GALNT13: variants seen among roughly 807,000 people sequenced by gnomAD.
GALNT13 encodes UDP-GalNAc:polypeptide N-acetylgalactosaminyltransferase 13.
In GALNT13, 28 loss-of-function variants were observed where a neutral mutation model predicts 64.2. The observed-to-expected ratio is 0.44, with a 90% confidence interval of 0.32 to 0.60. The LOEUF (loss-of-function observed/expected upper bound fraction) is 0.60, where lower values mean the gene tolerates loss of function less well. Ranked by LOEUF, GALNT13 falls within the 20% of genes least tolerant of loss-of-function variation. The pLI is 0.05. For missense variants in GALNT13, 577 were observed against 669.8 expected (o/e 0.86, Z 1.53); for synonymous variants, 214 against 224.6 (o/e 0.95, Z 0.42).
chr2:154,174,203 T>C (rs1169356942), intron 4 of GALNT13, among the ~76,000 whole-genome samples: 1 of 152,206 alleles, frequency 6.6e-6, no homozygotes, highest in Admixed American at 6.5e-5. Flanking sequence ...ACTGATTGGC[T>C]GGATGGTCTA....
chr2:153,398,697 G>A, the GALNT13 span, among the ~76,000 whole-genome samples: 23 of 151,822 alleles, frequency 1.5e-4, no homozygotes, highest in Non-Finnish European at 3.4e-4. Flanking sequence ...TTTTTCATGT[G>A]TTTTTTGGCT....
chr2:154,390,311 ATTATT>A (rs1280012759), intron 9 of GALNT13, among the ~76,000 whole-genome samples: 1 of 152,212 alleles, frequency 6.6e-6, no homozygotes, highest in South Asian at 2.1e-4. Context: ...TGTTGTACAG[ATTATT>A]TTATCACCTG....
chr2:154,194,244 T>A (rs1428609063), intron 4 of GALNT13, among the ~76,000 whole-genome samples: 1 of 152,226 alleles, frequency 6.6e-6, no homozygotes, highest in East Asian at 1.9e-4. Flanking sequence ...CCAGTTTTTA[T>A]TAATTACAAG....
At chr2:153,136,848 C>CCACACACACACACACACACA in the GALNT13 span, among the ~76,000 whole-genome samples, 13,777 of 148,242 alleles carry the variant, frequency 0.093, 804 homozygotes, top group Admixed American at 0.16. Flanking sequence ...GGTGTTTGCA[C>CCACACACACACACACACACA]CACACACACA....
chr2:153,393,947 T>TACACACACACAC, the GALNT13 span, among the ~76,000 whole-genome samples: 2 of 128,176 alleles, frequency 1.6e-5, no homozygotes, highest in African/African-American at 3.1e-5. Flanking sequence ...TCTCTCTGTC[T>TACACACACACAC]ACACACACAC....
chr2:153,083,175 C>T, the GALNT13 span, among the ~76,000 whole-genome samples: 3 of 152,128 alleles, frequency 2.0e-5, no homozygotes, highest in African/African-American at 7.2e-5. Flanking sequence ...AACATGGGTG[C>T]TCAAGTGTCT....
intron 4 of GALNT13, among the ~76,000 whole-genome samples, chr2:154,168,834 T>G (rs1685187373): frequency 6.6e-6 from 1 of 152,040 alleles, no homozygotes. Flanking sequence ...AGTGTGAGAC[T>G]CTGTCTCAAA....
chr2:154,025,650 T>C (rs1031453434), intron 3 of GALNT13, among the ~76,000 whole-genome samples: 2 of 152,216 alleles, frequency 1.3e-5, no homozygotes, highest in Non-Finnish European at 2.9e-5. Flanking sequence ...AGTGCTATGA[T>C]TTTTTATTTC....
At chr2:154,323,460 C>A (rs771575696) in intron 9 of GALNT13, among the ~76,000 whole-genome samples, 9 of 152,004 alleles carry the variant, frequency 5.9e-5, no homozygotes, top group South Asian at 2.1e-4. Context: ...CCATTATAGA[C>A]AACTATTGCA....
chr2:153,641,036 T>C, the GALNT13 span, among the ~76,000 whole-genome samples: 8 of 152,136 alleles, frequency 5.3e-5, no homozygotes, highest in Non-Finnish European at 1.0e-4. Flanking sequence ...AGCTGAAATA[T>C]ATAAAACAGC....
At chr2:154,289,455 A>G (rs550041456) in intron 8 of GALNT13, among the ~76,000 whole-genome samples, 2 of 152,306 alleles carry the variant, frequency 1.3e-5, no homozygotes, top group East Asian at 1.9e-4. Flanking sequence ...GCAGAAGGCA[A>G]AGGAGGAGCA....
At chr2:153,973,687 C>T (rs1038967475) in intron 3 of GALNT13, among the ~76,000 whole-genome samples, 23 of 151,880 alleles carry the variant, frequency 1.5e-4, no homozygotes, top group African/African-American at 5.6e-4. Flanking sequence ...AAGTATCTTT[C>T]ATATAGCAGG....
At chr2:154,260,723 C>T (rs904093494) in intron 8 of GALNT13, among the ~76,000 whole-genome samples, 2 of 151,840 alleles carry the variant, frequency 1.3e-5, no homozygotes, top group African/African-American at 4.8e-5. Flanking sequence ...TAAGAGGTAA[C>T]AGAAAAAGAA....
At chr2:153,184,396 T>C in the GALNT13 span, among the ~76,000 whole-genome samples, 2 of 152,224 alleles carry the variant, frequency 1.3e-5, no homozygotes, top group Admixed American at 6.5e-5. Context: ...TTTGTAGATA[T>C]AGGATTATGT....
the GALNT13 span, among the ~76,000 whole-genome samples, chr2:153,736,727 T>A: frequency 6.6e-6 from 1 of 152,184 alleles, no homozygotes; most frequent in African/African-American, 2.4e-5. Flanking sequence ...ACTAGAGGGT[T>A]CATTTTACAT....
At chr2:153,212,932 T>C in the GALNT13 span, among the ~76,000 whole-genome samples, 2 of 152,370 alleles carry the variant, frequency 1.3e-5, no homozygotes, top group East Asian at 3.9e-4. Flanking sequence ...GATTTTTCTG[T>C]CTGAACAAAT....
intron 2 of GALNT13, among the ~76,000 whole-genome samples, chr2:153,932,626 C>CTTTTT (rs34617568): frequency 6.3e-5 from 6 of 95,648 alleles, no homozygotes; most frequent in Non-Finnish European, 9.9e-5. Flanking sequence ...TTCTGTCTTT[C>CTTTTT]TTTTTTTTTT....
intron 8 of GALNT13, among the ~76,000 whole-genome samples, chr2:154,269,904 G>GTATATATATATATA (rs1404105316): frequency 6.1e-4 from 8 of 13,162 alleles, no homozygotes; most frequent in African/African-American, 8.0e-4. Context: ...TTATATATAT[G>GTATATATATATATA]TGTATATATA....
chr2:154,074,237 CATT>C (rs1700878114), intron 3 of GALNT13, among the ~76,000 whole-genome samples: 1 of 151,668 alleles, frequency 6.6e-6, no homozygotes, highest in Non-Finnish European at 1.5e-5. Context: ...TATAAGGTTT[CATT>C]ATTATCTTAA....
Sources: allele counts gnomAD v4.1 joint callset (sites outside exome capture counted in the v4.1 genomes callset), GRCh38; gene constraint gnomAD v4.1.1; transcripts MANE v1.5; gene names NCBI Gene and HGNC (gene_info 2026-07-23, HGNC 2026-07-21).